Variants in PRDM2 observed in about 807,000 individuals in gnomAD.
The protein encoded by PRDM2 is PR/SET domain 2.
PRDM2 carries 30 observed loss-of-function variants against 130.0 expected under a neutral mutation model. The ratio of observed to expected loss-of-function variants is 0.23; its 90% confidence interval spans 0.17 to 0.31. The LOEUF (loss-of-function observed/expected upper bound fraction) is 0.31, where lower values mean the gene tolerates loss of function less well. PRDM2 is among the 10% of genes least tolerant of loss of function. The probability of loss-of-function intolerance (pLI) is 1.00; values close to 1 mark genes in which losing one functional copy is unlikely to be tolerated. For synonymous variants in PRDM2, 871 were observed against 782.4 expected, an observed-to-expected ratio of 1.11 and a Z score of -1.89; for missense variants, 2,011 against 2,108.4, an observed-to-expected ratio of 0.95 and a Z score of 0.90.
chr1:13,715,673 G>A (rs1394409880), intron 2 of PRDM2, 59 bp downstream of exon 2: 1 of 1,448,172 alleles, frequency 6.9e-7, no homozygotes, highest in Non-Finnish European at 9.4e-7. Flanking sequence ...ACCAGCTCTT[G>A]ATTTTTACAA....
At position 13,824,196 on chromosome 1, in the gene PRDM2, T is replaced by C. The variant is rs574854495; in HGVS notation, c.*1061T>C. 3 of 152,706 alleles carry C rather than the reference T, an allele frequency of 2.0e-5. No individual in the cohort carries two copies. The highest frequency in any genetic ancestry group is 2.0e-4 in the Admixed American group (3 of 15,306). The allele number at this position is 152,706 out of a possible 1,614,324, so 9.5% of individuals were successfully genotyped here. A position where few individuals can be genotyped will look rare whatever the true frequency, so the allele number is the denominator to read the frequency against. On this transcript the variant is annotated 3_prime_UTR_variant, in exon 10 of 10. Transcript: ENST00000311066. ...CCAGTTCAGTGAGGTTCTTGGGTTT[T>C]GTGCCTTTGGGGCAGACCCCAGGCA...
At chr1:13,799,001 G>C (rs2697992) in intron 8 of PRDM2, among the ~76,000 whole-genome samples, 118,709 of 152,134 alleles carry the variant, frequency 0.78, 46,934 homozygotes, top group African/African-American at 0.91. Flanking sequence ...CCTTCACCGT[G>C]GTGAGTCAGA....
chr1:13,809,129 A>T (rs1259512263), intron 8 of PRDM2, among the ~76,000 whole-genome samples: 1 of 152,186 alleles, frequency 6.6e-6, no homozygotes, highest in Non-Finnish European at 1.5e-5. Context: ...AGAAGGGGAG[A>T]GATGGGCTGG....
chr1:13,790,733 G>A (rs11580688), intron 8 of PRDM2, among the ~76,000 whole-genome samples: 29,782 of 143,940 alleles, frequency 0.21, 3,553 homozygotes, highest in Non-Finnish European at 0.29. Context: ...AAAAAAGTGC[G>A]AAACTGCTCC....
intron 4 of PRDM2, 67 bp from the exon 5 acceptor site, chr1:13,741,937 TA>T (rs1643459074): frequency 6.2e-6 from 8 of 1,300,098 alleles, no homozygotes; most frequent in Non-Finnish European, 8.7e-6. Flanking sequence ...CCTTAAAAGT[TA>T]AAAATGGAGG....
At chr1:13,822,996 G>A (rs921611565) in intron 9 of PRDM2, among the ~76,000 whole-genome samples, 163 bp from the exon 10 acceptor site, 6 of 152,140 alleles carry the variant, frequency 3.9e-5, no homozygotes, top group African/African-American at 1.2e-4. Flanking sequence ...CTCTGCAGGT[G>A]TATTCACTGT....
At chr1:13,731,222 A>G (rs1441999739) in intron 3 of PRDM2, 105 bp downstream of exon 3, 1 of 841,034 alleles carries the variant, frequency 1.2e-6, no homozygotes, top group African/African-American at 1.7e-5. Flanking sequence ...TAAAAGCAGC[A>G]ATTTACCCTT....
chr1:13,703,756 C>T lies in PRDM2; in HGVS notation c.-66+3456C>T, dbSNP rs550078660. Among the ~76,000 whole-genome samples, 9 of 152,318 alleles carry T rather than the reference C, an allele frequency of 5.9e-5. No individual in the cohort carries two copies. In the South Asian group the frequency reaches 6.2e-4, roughly 11 times the overall value. ...GCATATAGACCATTATGCTGAACAG[C>T]GCAGAAACAACTGTCTTCTAGAAAA... On this transcript the variant is annotated intron_variant, in intron 1 of 9. Coordinates refer to ENST00000311066, the MANE Select transcript of PRDM2 (RefSeq NM_001393986.1).
chr1:13,809,480 G>A (rs540574214), intron 8 of PRDM2, among the ~76,000 whole-genome samples: 1 of 152,322 alleles, frequency 6.6e-6, no homozygotes, highest in African/African-American at 2.4e-5. Flanking sequence ...GGGCACAAAT[G>A]CAGTGCTGTT....
chr1:13,809,093 CCAGATTAGCTGGAGTAAACAAGAA>C (rs1206205693), intron 8 of PRDM2, among the ~76,000 whole-genome samples: 2 of 152,158 alleles, frequency 1.3e-5, no homozygotes, highest in East Asian at 3.9e-4. Flanking sequence ...TGGGGTCTAC[CCAGATTAGCTGGAGTAAACAAGAA>C]CAGAAGGGGA....
chr1:13,805,016 T>C (rs1326644378), intron 8 of PRDM2, among the ~76,000 whole-genome samples: 2 of 152,188 alleles, frequency 1.3e-5, no homozygotes, highest in Admixed American at 6.5e-5. Flanking sequence ...TCTTGGCTGC[T>C]TCTCTACTTG....
chr1:13,781,209 C>T lies in PRDM2; in HGVS notation c.3414C>T (p.Val1138=), dbSNP rs764071518. 4.3e-6 allele frequency: 7 copies of T among 1,614,214 alleles called. No homozygotes were observed. The highest frequency in any genetic ancestry group is 1.6e-4 in the Middle Eastern group (1 of 6,062). Residue 1138 remains valine, a synonymous_variant, in exon 8 of 10, where the codon GTC becomes GTT. Transcript: ENST00000311066. The surrounding 1 kb of genome is among the most constrained non-coding windows in gnomAD (Gnocchi z 6.1). ...TCAACAAAAACTTTGTTTGCAACGT[C>T]TGTGAATCACCTTTTCTTTCCATTA... The part of the protein sequence containing the change: ...ETFNKNFVCN[V]CESPFLSIKD...
At chr1:13,709,163 T>TA (rs1353336891) in intron 1 of PRDM2, among the ~76,000 whole-genome samples, 1 of 152,054 alleles carries the variant, frequency 6.6e-6, no homozygotes, top group Non-Finnish European at 1.5e-5. Context: ...TTTTTTTTTT[T>TA]ACCCAAAGTA....
chr1:13,716,746 C>A (rs1210284813), intron 2 of PRDM2, among the ~76,000 whole-genome samples: 1 of 152,126 alleles, frequency 6.6e-6, no homozygotes, highest in Non-Finnish European at 1.5e-5. Context: ...GTTTCAATAT[C>A]ATCTCTCTTG....
At chr1:13,798,069 T>A (rs2100723786) in intron 8 of PRDM2, among the ~76,000 whole-genome samples, 1 of 152,248 alleles carries the variant, frequency 6.6e-6, no homozygotes, top group East Asian at 1.9e-4. Flanking sequence ...GCTGGGGACA[T>A]TTCTGAGTGT....
chr1:13,756,056 C>T (rs1410951086), intron 6 of PRDM2, among the ~76,000 whole-genome samples: 2 of 150,510 alleles, frequency 1.3e-5, no homozygotes, highest in African/African-American at 2.4e-5. Flanking sequence ...TCGAGACCAT[C>T]CTGGCTAACA....
At chr1:13,746,542 T>C (rs4662033) in intron 5 of PRDM2, among the ~76,000 whole-genome samples, 6,482 of 150,134 alleles carry the variant, frequency 0.043, 198 homozygotes, top group East Asian at 0.14. Flanking sequence ...ATTTATTTAT[T>C]TATTTATTTA....
At chr1:13,718,428 G>A (rs1642615034) in intron 2 of PRDM2, among the ~76,000 whole-genome samples, 3 of 152,308 alleles carry the variant, frequency 2.0e-5, no homozygotes, top group African/African-American at 7.2e-5. Flanking sequence ...AGAAGCAGTA[G>A]AGTCCACAGC....
At chr1:13,709,665 C>A (rs937888931) in intron 1 of PRDM2, among the ~76,000 whole-genome samples, 3 of 152,138 alleles carry the variant, frequency 2.0e-5, no homozygotes, top group African/African-American at 7.2e-5. Context: ...TCTAAGACTC[C>A]TTTCCCAAAA....
Sources: gnomAD v4.1 joint callset for allele counts (sites outside exome capture counted in the v4.1 genomes callset) on GRCh38, gnomAD v4.1.1 for gene constraint, Gnocchi (gnomAD v3.1) non-coding constraint, MANE v1.5 for transcripts, NCBI Gene and HGNC (gene_info 2026-07-23, HGNC 2026-07-21) for gene names.